NEDD4L: variants seen among roughly 807,000 people sequenced by gnomAD.
NEDD4L encodes the protein NEDD4 like E3 ubiquitin protein ligase, also known as E3 ubiquitin-protein ligase NEDD4-like.
In NEDD4L, 54 loss-of-function variants were observed where a neutral mutation model predicts 148.9. The observed-to-expected ratio is 0.36, with a 90% CI of 0.29 to 0.45. The LOEUF is 0.45. NEDD4L is among the 20% of genes least tolerant of loss of function. The pLI is 1.00. For synonymous variants in NEDD4L, 433 were observed against 440.7 expected (o/e 0.98, Z 0.22); for missense variants, 856 against 1,233.8 (o/e 0.69, Z 4.59).
At chr18:58,144,129 A>AG (rs397807820) in intron 1 of NEDD4L, among the ~76,000 whole-genome samples, 59 of 151,572 alleles carry the variant, frequency 3.9e-4, no homozygotes, top group African/African-American at 1.4e-3. Context: ...AAAAAAAAAA[A>AG]GTCCAATTTA....
At chr18:58,101,276 A>T (rs538189289) in intron 1 of NEDD4L, among the ~76,000 whole-genome samples, 2 of 152,320 alleles carry the variant, frequency 1.3e-5, no homozygotes, top group Admixed American at 1.3e-4. Context: ...GTGGAGTCGA[A>T]CATCTCTGGG....
Position 58,307,653 on chromosome 18 carries a change from A to G in NEDD4L, c.298-8329A>G, listed in dbSNP as rs984506327. 8.5e-5 allele frequency among the ~76,000 whole-genome samples: 13 copies of G among 152,272 alleles called. No homozygotes were observed. The Middle Eastern group carries it at 0.01, about 120-fold the overall frequency. ...GGCTTGTGACATTCTACATATCCCA[A>G]CTATGAGACAGCCAGGCAGTGGGAT... On this transcript the variant is annotated intron_variant, in intron 5 of 30. Transcript: ENST00000400345.
At position 58,366,972 on chromosome 18, in the gene NEDD4L, CCTGGTTGCTCTAGCCAAG is replaced by C. The variant is rs1484320336; in HGVS notation, c.2063+745_2064-756del. ...TGGAAGGCCGCCTCAGTACATTCTT[CCTGGTTGCTCTAGCCAAG>C]AATTGCCCAATTGATTTGTTGTTAC... On this transcript the variant is annotated intron_variant, in intron 21 of 30. Transcript: ENST00000400345. This position sits in a 1 kb window ranked among gnomAD's most constrained non-coding sequence, Gnocchi z 4.2. 6.6e-6 allele frequency: 1 copy of C among 152,300 alleles called. No homozygotes were observed. Among genetic ancestry groups the C allele is most frequent in the Non-Finnish European group, 1.5e-5 (1 of 68,102 alleles). 9.4% of individuals were successfully genotyped at this position (152,300 alleles called of 1,614,324 possible). A position where few individuals can be genotyped will look rare whatever the true frequency, so the allele number is the denominator to read the frequency against.
chr18:58,228,266 A>G (rs577875712), intron 2 of NEDD4L, among the ~76,000 whole-genome samples: 67 of 152,094 alleles, frequency 4.4e-4, no homozygotes, highest in African/African-American at 1.6e-3. Context: ...CAACTGCGCT[A>G]CTGATAGGCT....
At chr18:58,248,781 G>T in intron 3 of NEDD4L, 118 bp from the exon 4 acceptor site, 1 of 608,682 alleles carries the variant, frequency 1.6e-6, no homozygotes, top group South Asian at 2.2e-5. Flanking sequence ...TCGACTAAAT[G>T]CTTCTCTTAG....
intron 11 of NEDD4L, among the ~76,000 whole-genome samples, chr18:58,333,143 TG>T (rs1006520747): frequency 2.6e-5 from 4 of 151,692 alleles, no homozygotes; most frequent in Non-Finnish European, 4.4e-5. Flanking sequence ...CCAAGTGTGG[TG>T]GGGGGGGCTT....
At chr18:58,121,122 C>A (rs112826961) in intron 1 of NEDD4L, among the ~76,000 whole-genome samples, 66 of 152,012 alleles carry the variant, frequency 4.3e-4, no homozygotes, top group African/African-American at 1.5e-3. Context: ...GTGGGGAGAA[C>A]AGAGTGTAGA....
At chr18:58,129,930 C>T (rs2031789697) in intron 1 of NEDD4L, among the ~76,000 whole-genome samples, 2 of 138,410 alleles carry the variant, frequency 1.4e-5, no homozygotes, top group African/African-American at 2.8e-5. Flanking sequence ...TCTAGTGGAA[C>T]TGTGGCGGTG....
intron 2 of NEDD4L, chr18:58,195,346 G>A (rs2040538053): frequency 2.8e-6 from 3 of 1,061,864 alleles, no homozygotes; most frequent in South Asian, 3.2e-5. Context: ...TTGAATACAC[G>A]AAGTTCCTCC....
chr18:58,240,693 G>A (rs1470824968), intron 2 of NEDD4L, among the ~76,000 whole-genome samples: 1 of 152,018 alleles, frequency 6.6e-6, no homozygotes, highest in Non-Finnish European at 1.5e-5. Context: ...TTATTCTTTG[G>A]CGCGGAGGCC....
chr18:58,101,572 G>A (rs1405425411), intron 1 of NEDD4L, among the ~76,000 whole-genome samples: 2 of 152,132 alleles, frequency 1.3e-5, no homozygotes, highest in African/African-American at 4.8e-5. Context: ...GCAAGTGACT[G>A]TTGCTCATTG....
intron 1 of NEDD4L, 59 bp from the exon 2 acceptor site, chr18:58,165,729 A>G (rs1449282141): frequency 6.6e-7 from 1 of 1,525,170 alleles, no homozygotes; most frequent in Non-Finnish European, 9.0e-7. Flanking sequence ...ATATTGGATG[A>G]GAGAGTGATT....
intron 1 of NEDD4L, among the ~76,000 whole-genome samples, chr18:58,080,680 T>G (rs539946833): frequency 2.6e-5 from 4 of 152,332 alleles, no homozygotes; most frequent in Non-Finnish European, 5.9e-5. Context: ...TTGACTGCTC[T>G]AAATAAGGAG....
chr18:58,328,341 A>G (rs2059496373), intron 9 of NEDD4L, among the ~76,000 whole-genome samples: 2 of 152,212 alleles, frequency 1.3e-5, no homozygotes, highest in Admixed American at 1.3e-4. Context: ...ATAGGGTATG[A>G]TGTTTTGGTG....
intron 1 of NEDD4L, among the ~76,000 whole-genome samples, chr18:58,137,621 C>T (rs10460144): frequency 0.31 from 47,391 of 152,070 alleles, 7,696 homozygotes; most frequent in Non-Finnish European, 0.35. Flanking sequence ...TCTTCCAACT[C>T]GTATCCTCCA....
intron 16 of NEDD4L, among the ~76,000 whole-genome samples, chr18:58,345,712 TA>T (rs2145364300): frequency 6.6e-6 from 1 of 152,270 alleles, no homozygotes; most frequent in African/African-American, 2.4e-5. Flanking sequence ...AGTATTTGGA[TA>T]AAGTTTGGCC....
intron 1 of NEDD4L, among the ~76,000 whole-genome samples, chr18:58,107,938 G>A (rs774172641): frequency 2.0e-5 from 3 of 151,876 alleles, no homozygotes; most frequent in Admixed American, 6.6e-5. Context: ...TCTGCTGGTC[G>A]TGAACTCCTG....
intron 1 of NEDD4L, among the ~76,000 whole-genome samples, chr18:58,105,343 C>A (rs753571757): frequency 2.0e-5 from 3 of 152,200 alleles, no homozygotes; most frequent in Non-Finnish European, 2.9e-5. Flanking sequence ...CATTTTGACA[C>A]AGGCCGTGCT....
intron 5 of NEDD4L, among the ~76,000 whole-genome samples, chr18:58,315,534 A>G (rs1421911798): frequency 6.6e-6 from 1 of 152,034 alleles, no homozygotes; most frequent in Non-Finnish European, 1.5e-5. Context: ...TGCAGTTTGT[A>G]AGATGCATTG....
Sources: gnomAD v4.1 joint callset for allele counts (sites outside exome capture counted in the v4.1 genomes callset) on GRCh38, gnomAD v4.1.1 for gene constraint, Gnocchi (gnomAD v3.1) non-coding constraint, MANE v1.5 for transcripts, NCBI Gene and HGNC (gene_info 2026-07-23, HGNC 2026-07-21) for gene names.